The following BRSK2 variants were observed in gnomAD, a reference collection of about 807,000 sequenced individuals.
BRSK2 encodes serine/threonine-protein kinase BRSK2.
In BRSK2, 19 loss-of-function variants were observed where a neutral mutation model predicts 83.3. The ratio of observed to expected loss-of-function variants is 0.23; its 90% confidence interval spans 0.16 to 0.33. The LOEUF (loss-of-function observed/expected upper bound fraction) is 0.33, where lower values mean the gene tolerates loss of function less well. Ranked by LOEUF, BRSK2 falls within the 10% of genes least tolerant of loss-of-function variation. The pLI is 1.00. For synonymous variants in BRSK2, 519 were observed against 435.4 expected (o/e 1.19, Z -2.39); for missense variants, 798 against 1,042.3 (o/e 0.77, Z 3.23).
In BRSK2 at chr11:1,460,927, T is replaced by G. The variant is rs1341588365; in HGVS notation, c.*204T>G. 6.2e-7 allele frequency: 1 copy of G among 1,611,894 alleles called. No homozygotes were observed. ...TCTCTTTTCTCTCTGTCTCTGCCTC[T>G]GCCTGTCTCTGACAGCATCGCTTGT... On this transcript the variant is annotated 3_prime_UTR_variant, in exon 20 of 20. Transcript: ENST00000528841.
At chr11:1,460,478 T>C (rs759636586) in intron 19 of BRSK2, 22 bp from the exon 20 acceptor site, 2 of 1,143,872 alleles carry the variant, frequency 1.7e-6, no homozygotes, top group Non-Finnish European at 2.2e-6. Context: ...TTTTTTTTTT[T>C]GTCTCTGTTC....
At chr11:1,403,933 G>A (rs1169364640) in intron 1 of BRSK2, among the ~76,000 whole-genome samples, 1 of 152,210 alleles carries the variant, frequency 6.6e-6, no homozygotes, top group Non-Finnish European at 1.5e-5. Flanking sequence ...GTGGCATCAC[G>A]GGAGTTGGGA....
Position 1,450,738 on chromosome 11 carries a change from A to C in BRSK2, c.1439A>C (p.Asn480Thr). 6.3e-7 allele frequency: 1 copy of C among 1,599,852 alleles called. No individual in the cohort carries two copies. ...GGGGTGCCCTGGAGGGCGCGGCTCA[A>C]CTCCATCAAGAACAGCTTTCTGGGC... ...VGGVPWRARL[N>T]SIKNSFLGSP... Residue 480 changes from asparagine to threonine, a missense_variant, in exon 14 of 20, where the codon AAC becomes ACC. Physicochemically the swap from Asn to Thr is moderately conservative, Grantham distance 65 (BLOSUM62 0). This residue lies in a region of BRSK2 where 455 missense variants were observed against 455.2 expected (regional missense o/e 1.00). Transcript: ENST00000528841.
intron 18 of BRSK2, among the ~76,000 whole-genome samples, chr11:1,458,459 G>GC (rs938624743): frequency 1.3e-5 from 2 of 151,894 alleles, no homozygotes; most frequent in East Asian, 1.9e-4. Context: ...TCCCAGCCCT[G>GC]CCCCCCTCCC....
chr11:1,412,937 C>T (rs369303328), intron 1 of BRSK2, among the ~76,000 whole-genome samples: 3 of 151,290 alleles, frequency 2.0e-5, no homozygotes, highest in African/African-American at 4.9e-5. Context: ...GGCCTCCCAC[C>T]GTGCACGCCC....
chr11:1,392,944 CG>C (rs1845820263), intron 1 of BRSK2, among the ~76,000 whole-genome samples: 2 of 152,080 alleles, frequency 1.3e-5, no homozygotes, highest in South Asian at 4.2e-4. Flanking sequence ...CAGGTGAAGC[CG>C]TCAGAGCACT....
At chr11:1,452,093 C>T (rs972039677) in intron 15 of BRSK2, among the ~76,000 whole-genome samples, 3 of 152,182 alleles carry the variant, frequency 2.0e-5, no homozygotes, top group Non-Finnish European at 2.9e-5. Flanking sequence ...GGCCAGGCAG[C>T]GGCAGAGAGC....
intron 1 of BRSK2, among the ~76,000 whole-genome samples, chr11:1,402,748 G>A (rs1364867018): frequency 6.6e-6 from 1 of 152,182 alleles, no homozygotes; most frequent in Non-Finnish European, 1.5e-5. Flanking sequence ...AGGGACACAG[G>A]GTCTCCTGCC....
Position 1,443,478 on chromosome 11 carries a change from G to C in BRSK2, c.634-11G>C, listed in dbSNP as rs773618648. On this transcript the variant is annotated splice_polypyrimidine_tract_variant and intron_variant, in intron 7 of 19. Transcript: ENST00000528841. ...CCCCCCACGCTGACCCCCACACCCG[G>C]CCGCCCGCAGGGGGCTCTGCCCTTC... The C allele has an allele frequency of 8.2e-6, 13 of 1,581,892 alleles. No homozygotes were observed. The highest frequency in any genetic ancestry group is 1.1e-5 in the Non-Finnish European group (13 of 1,163,180).
In BRSK2 at chr11:1,454,337, C is replaced by T; in HGVS notation, c.1545-148C>T. The T allele has an allele frequency of 1.1e-6, 1 of 931,460 alleles. No individual in the cohort carries two copies. The highest frequency in any genetic ancestry group is 1.5e-5 in the South Asian group (1 of 66,100). 57.7% of individuals were successfully genotyped at this position (931,460 alleles called of 1,614,324 possible). ...TAGGGTTAGGGCGTTGGGGTCAGGG[C>T]CATGGGTTCTGGCTAGCACTGTGGA... is the stretch of plus-strand genomic sequence containing the variant. On this transcript the variant is annotated intron_variant, in intron 15 of 19. Transcript: ENST00000528841. The surrounding 1 kb of genome is among the most constrained non-coding windows in gnomAD (Gnocchi z 5.2).
chr11:1,422,209 T>C (rs1292036619), intron 1 of BRSK2, among the ~76,000 whole-genome samples: 1 of 152,086 alleles, frequency 6.6e-6, no homozygotes, highest in Non-Finnish European at 1.5e-5. Context: ...GCCAAGTAGA[T>C]TGGGGGCGGG....
chr11:1,440,705 G>T, intron 3 of BRSK2, 83 bp from the exon 4 acceptor site: 1 of 1,489,418 alleles, frequency 6.7e-7, no homozygotes. Flanking sequence ...GGCTGGGCCA[G>T]GAGGCGGCTG....
chr11:1,406,477 A>G (rs1037554767), intron 1 of BRSK2, among the ~76,000 whole-genome samples: 1 of 152,216 alleles, frequency 6.6e-6, no homozygotes, highest in Non-Finnish European at 1.5e-5. Flanking sequence ...GTCTCAATAA[A>G]AAGATAAACT....
rs562336584 is a variant in BRSK2 at position 1,425,681 on chromosome 11, C to T, written c.92-10359C>T. On this transcript the variant is annotated intron_variant, in intron 1 of 19. Coordinates refer to ENST00000528841, the MANE Select transcript of BRSK2 (RefSeq NM_001256627.2). ...ATCCCGAGCCCCCCACACCCCCGCT[C>T]GTCTCCCACTCTGTGTCCTCTCCAC... 3.9e-5 allele frequency among the ~76,000 whole-genome samples: 6 copies of T among 152,332 alleles called. No homozygotes were observed. The South Asian group carries it at 1.2e-3, about 32-fold the overall frequency.
intron 1 of BRSK2, among the ~76,000 whole-genome samples, chr11:1,429,248 T>A (rs1213470594): frequency 9.3e-6 from 1 of 107,554 alleles, no homozygotes; most frequent in African/African-American, 5.3e-5. Context: ...GTGTCCTGGA[T>A]GCATGTGCAC....
intron 1 of BRSK2, among the ~76,000 whole-genome samples, chr11:1,396,705 G>A (rs1178862419): frequency 6.6e-6 from 1 of 152,256 alleles, no homozygotes; most frequent in Non-Finnish European, 1.5e-5. Flanking sequence ...CCTGGGGAGG[G>A]TCAGGCTGTC....
At chr11:1,410,473 G>C in intron 1 of BRSK2, 1 of 985,604 alleles carries the variant, frequency 1.0e-6, no homozygotes, top group Non-Finnish European at 1.2e-6. Context: ...ACCCAGCGTA[G>C]TCATGCTGCT....
intron 1 of BRSK2, chr11:1,411,507 G>C (rs775032064): frequency 8.7e-6 from 13 of 1,499,632 alleles, no homozygotes; most frequent in Non-Finnish European, 1.1e-5. Context: ...TGGCCCAGCG[G>C]TGGGCAGGGG....
rs370475250 is a variant in BRSK2, at chr11:1,445,552, C to T, written c.978-19C>T. ...CGGCCCCGTGTGCCAGCGCGTCTCG[C>T]GCCTCTCGCCCGCTGTAGGGAGAAC... On this transcript the variant is annotated intron_variant, in intron 10 of 19. Transcript: ENST00000528841. 1.3e-3 allele frequency: 2,097 copies of T among 1,589,056 alleles called. 1 individual carries two copies. Among genetic ancestry groups the T allele is most frequent in the Non-Finnish European group, 1.6e-3 (1,918 of 1,168,396 alleles).
Sources: allele counts gnomAD v4.1 joint callset (sites outside exome capture counted in the v4.1 genomes callset), GRCh38; gene constraint gnomAD v4.1.1; regional missense constraint gnomAD v4.1.1; non-coding constraint Gnocchi (gnomAD v3.1); transcripts MANE v1.5; gene names NCBI Gene and HGNC (gene_info 2026-07-23, HGNC 2026-07-21).